GRB2: variants seen among roughly 807,000 people sequenced by gnomAD.
The protein encoded by GRB2 is growth factor receptor-bound protein 2.
GRB2 carries 2 observed loss-of-function variants against 27.4 expected under a neutral mutation model. The ratio of observed to expected loss-of-function variants is 0.07; its 90% CI spans 0.03 to 0.23. GRB2 has a LOEUF of 0.23. Among genes scored for constraint, GRB2 ranks in the 10% least tolerant of loss-of-function variants. The pLI is 1.00. For missense variants in GRB2, 102 were observed against 282.4 expected (o/e 0.36, Z 4.58); for synonymous variants, 94 against 99.6 (o/e 0.94, Z 0.33).
At chr17:75,393,836 G>A (rs1383863298) in intron 1 of GRB2, 71 bp from the exon 2 acceptor site, 4 of 552,420 alleles carry the variant, frequency 7.2e-6, no homozygotes, top group East Asian at 6.2e-5. Flanking sequence ...CAATCGGCCT[G>A]CTGTCCCAGC....
chr17:75,339,623 CT>C (rs71159491), intron 2 of GRB2, among the ~76,000 whole-genome samples: 72,959 of 129,864 alleles, frequency 0.56, 23,712 homozygotes, highest in East Asian at 0.84. Flanking sequence ...TTCTTTCTTT[CT>C]TTTTTTTTTT....
intron 2 of GRB2, among the ~76,000 whole-genome samples, chr17:75,360,987 G>T (rs981129320): frequency 4.0e-5 from 6 of 151,228 alleles, no homozygotes; most frequent in African/African-American, 1.2e-4. Flanking sequence ...AACAGGGCTG[G>T]TCTCAAACTC....
At position 75,354,276 on chromosome 17, in the gene GRB2, G is replaced by GC. The variant is rs1222730029; in HGVS notation, c.79-21480_79-21479insG. 2.8e-4 allele frequency among the ~76,000 whole-genome samples: 34 copies of GC among 122,354 alleles called. 2 individuals are homozygous for GC. The highest frequency in any genetic ancestry group is 1.0e-3 in the African/African-American group (34 of 33,988). 80.3% of individuals were successfully genotyped at this position (122,354 alleles called of 152,430 possible). A position where few individuals can be genotyped will look rare whatever the true frequency, so the allele number is the denominator to read the frequency against. ...TGGTCTTTTTTTTTGGGGGGGGGGGGGAGATGGAGTTTCACTCTTGTCTCC... is the reference window on the plus strand; with the variant it reads ...TGGTCTTTTTTTTTGGGGGGGGGGGGCGAGATGGAGTTTCACTCTTGTCTCC... On this transcript the variant is annotated intron_variant, in intron 2 of 5. Coordinates refer to ENST00000316804, the MANE Select transcript of GRB2 (RefSeq NM_002086.5).
intron 2 of GRB2, among the ~76,000 whole-genome samples, chr17:75,354,263 T>TG (rs1567864947): frequency 1.9e-4 from 3 of 15,728 alleles, no homozygotes; most frequent in East Asian, 0.033. Context: ...GTCTTTTTTT[T>TG]TGGGGGGGGG....
At chr17:75,401,630 C>G (rs1325800360) in intron 1 of GRB2, among the ~76,000 whole-genome samples, 1 of 152,180 alleles carries the variant, frequency 6.6e-6, no homozygotes, top group African/African-American at 2.4e-5. Flanking sequence ...TGGAGTTAGA[C>G]TTGGATTCAA....
chr17:75,343,890 G>GA (rs201955663), intron 2 of GRB2, among the ~76,000 whole-genome samples: 1,544 of 152,242 alleles, frequency 0.01, 29 homozygotes, highest in African/African-American at 0.035. Context: ...GAGGTTTCAA[G>GA]AAAAATCTGT....
At chr17:75,332,658 A>T (rs2078549082) in intron 3 of GRB2, 42 bp downstream of exon 3, 1 of 1,074,564 alleles carries the variant, frequency 9.3e-7, no homozygotes, top group African/African-American at 1.6e-5. Flanking sequence ...TGAAACAAGG[A>T]GGTGGGTCCA....
At chr17:75,323,920 C>T (rs1240604626) in intron 4 of GRB2, among the ~76,000 whole-genome samples, 1 of 151,926 alleles carries the variant, frequency 6.6e-6, no homozygotes, top group Non-Finnish European at 1.5e-5. Flanking sequence ...AGTGATTCTC[C>T]TGCTTCAGCC....
chr17:75,385,225 A>G (rs899156530), intron 2 of GRB2, among the ~76,000 whole-genome samples: 2 of 151,966 alleles, frequency 1.3e-5, no homozygotes, highest in Non-Finnish European at 2.9e-5. Flanking sequence ...TGGGTGACAG[A>G]GCAAGACCCT....
At chr17:75,344,042 C>G (rs963215054) in intron 2 of GRB2, among the ~76,000 whole-genome samples, 2 of 152,072 alleles carry the variant, frequency 1.3e-5, no homozygotes, top group African/African-American at 2.4e-5. Flanking sequence ...CACAGTGTGA[C>G]GAATGTCAGG....
At chr17:75,363,189 G>A (rs9302989) in intron 2 of GRB2, among the ~76,000 whole-genome samples, 100,833 of 152,040 alleles carry the variant, frequency 0.66, 39,031 homozygotes, top group East Asian at 0.91. Flanking sequence ...AATTTTAAGA[G>A]CCAAGAGTCC....
At chr17:75,363,610 A>G (rs2078799580) in intron 2 of GRB2, among the ~76,000 whole-genome samples, 1 of 148,026 alleles carries the variant, frequency 6.8e-6, no homozygotes, top group Admixed American at 7.0e-5. Flanking sequence ...CTGTAATCCC[A>G]GCACTTTGGG....
chr17:75,367,613 G>T (rs2078828270), intron 2 of GRB2, among the ~76,000 whole-genome samples: 1 of 152,242 alleles, frequency 6.6e-6, no homozygotes, highest in Non-Finnish European at 1.5e-5. Flanking sequence ...TGTGAGAAAT[G>T]AGTTCAGCCC....
At chr17:75,331,668 G>A (rs2078542150) in intron 3 of GRB2, among the ~76,000 whole-genome samples, 1 of 152,120 alleles carries the variant, frequency 6.6e-6, no homozygotes. Flanking sequence ...CACAACCTAA[G>A]ACTGTTTTTT....
intron 2 of GRB2, among the ~76,000 whole-genome samples, chr17:75,337,666 G>A (rs985885050): frequency 3.3e-5 from 5 of 149,818 alleles, no homozygotes; most frequent in East Asian, 1.9e-4. Flanking sequence ...CGCCTCCTAG[G>A]TTCAGGCCAT....
rs565511498 is a variant in GRB2 at position 75,393,651 on chromosome 17, G to A, written c.-23C>T. ...CATTCTGAGCGCTGCTCAGTGCTCA[G>A]CAGCCTGAAGCAGGGGGAAGGGAGT... is the stretch of plus-strand genomic sequence containing the variant. On this transcript the variant is annotated 5_prime_UTR_variant, in exon 2 of 6. Coordinates refer to ENST00000316804, the MANE Select transcript of GRB2 (RefSeq NM_002086.5). 1.6e-5 allele frequency: 26 copies of A among 1,596,514 alleles called. 2 individuals are homozygous for A. The South Asian group carries it at 2.9e-4, about 18-fold the overall frequency.
intron 2 of GRB2, among the ~76,000 whole-genome samples, chr17:75,392,696 C>T (rs1264624232): frequency 1.3e-5 from 2 of 152,146 alleles, no homozygotes; most frequent in African/African-American, 4.8e-5. Flanking sequence ...TTCAGCCTTT[C>T]CTCCTTTAAA....
At chr17:75,336,065 GA>G (rs1160413392) in intron 2 of GRB2, among the ~76,000 whole-genome samples, 1 of 152,146 alleles carries the variant, frequency 6.6e-6, no homozygotes, top group African/African-American at 2.4e-5. Context: ...TAGCCTTTGA[GA>G]AAAGGAGCTA....
At chr17:75,346,410 C>T (rs896626508) in intron 2 of GRB2, among the ~76,000 whole-genome samples, 2 of 151,110 alleles carry the variant, frequency 1.3e-5, no homozygotes, top group African/African-American at 2.4e-5. Flanking sequence ...GCAGGAGAAT[C>T]GCTTGAACCT....
Sources: gnomAD v4.1 joint callset for allele counts (sites outside exome capture counted in the v4.1 genomes callset) on GRCh38, gnomAD v4.1.1 for gene constraint, MANE v1.5 for transcripts, NCBI Gene and HGNC (gene_info 2026-07-23, HGNC 2026-07-21) for gene names.